Variants in PIWIL4 observed in about 807,000 individuals in gnomAD.
The protein encoded by PIWIL4 is piwi-like protein 4.
PIWIL4 carries 50 observed loss-of-function variants against 100.9 expected under a neutral mutation model. The ratio of observed to expected loss-of-function variants is 0.50; its 90% confidence interval spans 0.39 to 0.63. The LOEUF is 0.63. PIWIL4 is among the 20% of genes least tolerant of loss of function. The pLI is 0.00. For missense variants in PIWIL4, 887 were observed against 1,043.3 expected (o/e 0.85, Z 2.06); for synonymous variants, 342 against 367.5 (o/e 0.93, Z 0.79).
intron 16 of PIWIL4, 72 bp downstream of exon 16, chr11:94,616,635 G>T: frequency 7.9e-7 from 1 of 1,261,462 alleles, no homozygotes. Context: ...CATGCTTATA[G>T]AAGACCACAT....
intron 14 of PIWIL4, 93 bp from the exon 15 acceptor site, chr11:94,608,487 GTAA>G (rs1174743364): frequency 2.0e-6 from 2 of 995,104 alleles, no homozygotes; most frequent in African/African-American, 3.2e-5. Flanking sequence ...TAAGAATTCA[GTAA>G]CTGGAGTCTG....
intron 2 of PIWIL4, among the ~76,000 whole-genome samples, chr11:94,571,430 G>C (rs7952351): frequency 0.47 from 71,578 of 151,852 alleles, 18,981 homozygotes; most frequent in African/African-American, 0.73. Context: ...TACTATCCCT[G>C]CCCCCTTCAC....
chr11:94,575,199 G>A, intron 3 of PIWIL4, 69 bp downstream of exon 3: 1 of 1,484,004 alleles, frequency 6.7e-7, no homozygotes, highest in Non-Finnish European at 9.2e-7. Context: ...CAAATTCTAG[G>A]TCTAAAATAA....
At chr11:94,584,173 C>A (rs572920743) in intron 5 of PIWIL4, among the ~76,000 whole-genome samples, 2 of 152,304 alleles carry the variant, frequency 1.3e-5, no homozygotes, top group Admixed American at 1.3e-4. Context: ...AACAGAAGTT[C>A]ACAGATAGGC....
At chr11:94,583,189 C>G in intron 4 of PIWIL4, among the ~76,000 whole-genome samples, 1 of 151,968 alleles carries the variant, frequency 6.6e-6, no homozygotes, top group South Asian at 2.1e-4. Context: ...CTCTTTGGAC[C>G]AAACTTTGAA....
chr11:94,568,789 A>G lies in PIWIL4; in HGVS notation c.147A>G (p.Thr49=). The change falls in exon 2 of 20, where the codon ACA becomes ACG. Residue 49 remains threonine, a synonymous_variant. Coordinates refer to ENST00000299001, the MANE Select transcript of PIWIL4 (RefSeq NM_152431.3). ...CCTCTAGCAATGGCTTCTTGGGAAC[A>G]AGCAGGATCTCAACCAACGGTAAGT... ...EASSSNGFLG[T]SRISTNDKYG... The G allele has an allele frequency of 6.2e-7, 1 of 1,604,914 alleles. No individual in the cohort carries two copies. Among genetic ancestry groups the G allele is most frequent in the South Asian group, 1.1e-5 (1 of 90,880 alleles).
At chr11:94,576,132 T>C (rs1359532604) in intron 3 of PIWIL4, among the ~76,000 whole-genome samples, 2 of 152,088 alleles carry the variant, frequency 1.3e-5, no homozygotes, top group African/African-American at 4.8e-5. Context: ...TTCTATATCA[T>C]TCTTTTCTTT....
At chr11:94,595,887 A>G (rs1261896436) in intron 10 of PIWIL4, among the ~76,000 whole-genome samples, 2 of 152,200 alleles carry the variant, frequency 1.3e-5, no homozygotes, top group African/African-American at 4.8e-5. Context: ...CCTTTGTGCC[A>G]TCTGGTTCTG....
In PIWIL4 at chr11:94,620,945, C is replaced by A. The variant is rs1423077964; in HGVS notation, c.2512C>A (p.His838Asn). Residue 838 changes from histidine to asparagine, a missense_variant, in exon 20 of 20, where the codon CAT (histidine) becomes AAT (asparagine). Transcript: ENST00000299001. ...GACCTTTCTGGTGGCACAAAGCATTCATAAAGAACCCAGTCTGGAATTAGC... is the reference window on the plus strand; with the variant it reads ...GACCTTTCTGGTGGCACAAAGCATTAATAAAGAACCCAGTCTGGAATTAGC... ...KLTFLVAQSI[H>N]KEPSLELANH... is the part of the protein sequence containing the mutation. The A allele has an allele frequency of 4.3e-6, 7 of 1,613,758 alleles. No individual in the cohort carries two copies. The South Asian group carries it at 7.7e-5, about 18-fold the overall frequency.
At chr11:94,614,274 G>A (rs371074114) in intron 15 of PIWIL4, among the ~76,000 whole-genome samples, 30 of 138,270 alleles carry the variant, frequency 2.2e-4, no homozygotes, top group African/African-American at 7.2e-4. Context: ...TCCCTTGGTT[G>A]TGTCATAGTT....
At chr11:94,583,044 ATGTGTGTGTGTG>A (rs58072951) in intron 4 of PIWIL4, among the ~76,000 whole-genome samples, 3 of 133,794 alleles carry the variant, frequency 2.2e-5, no homozygotes, top group Non-Finnish European at 3.4e-5. Flanking sequence ...ATATATATAT[ATGTGTGTGTGTG>A]TGTGTGTGTG....
In PIWIL4 at chr11:94,568,780, C is replaced by G; in HGVS notation, c.138C>G (p.Phe46Leu). 1 of 1,609,136 alleles carries G rather than the reference C, an allele frequency of 6.2e-7. No homozygotes were observed. Among genetic ancestry groups the G allele is most frequent in the South Asian group, 1.1e-5 (1 of 90,960 alleles). The part of the protein sequence containing the change: ...SNNEASSSNG[F>L]LGTSRISTND... ...ATGAAGCATCCTCTAGCAATGGCTT[C>G]TTGGGAACAAGCAGGATCTCAACCA... The change falls in exon 2 of 20, where the codon TTC becomes TTG. Residue 46 changes from phenylalanine (F) to leucine (L), a missense_variant. Around this residue, in one of 2 missense-constraint regions of PIWIL4, gnomAD observed 146 missense variants for 113.4 expected, o/e 1.29. Transcript: ENST00000299001.
chr11:94,600,139 T>C (rs1324141781), intron 11 of PIWIL4, among the ~76,000 whole-genome samples: 1 of 152,198 alleles, frequency 6.6e-6, no homozygotes, highest in African/African-American at 2.4e-5. Context: ...TTCCCCCTCT[T>C]CAGCGCAGGA....
At chr11:94,576,145 T>C (rs1948233152) in intron 3 of PIWIL4, among the ~76,000 whole-genome samples, 1 of 152,148 alleles carries the variant, frequency 6.6e-6, no homozygotes. Context: ...TTTTCTTTTC[T>C]TTTTTTGGAG....
intron 15 of PIWIL4, among the ~76,000 whole-genome samples, chr11:94,609,903 A>G (rs12799237): frequency 0.026 from 4,011 of 151,990 alleles, 174 homozygotes; most frequent in African/African-American, 0.089. Context: ...ACTACTTAAG[A>G]TCTACTCTCT....
At chr11:94,573,129 C>G (rs1331779984) in intron 2 of PIWIL4, among the ~76,000 whole-genome samples, 1 of 152,118 alleles carries the variant, frequency 6.6e-6, no homozygotes, top group Non-Finnish European at 1.5e-5. Flanking sequence ...GATTTTTGCA[C>G]ATTGATTTTG....
chr11:94,577,861 G>C lies in PIWIL4; in HGVS notation c.513+369G>C, dbSNP rs568721884. Among the ~76,000 whole-genome samples the C allele has an allele frequency of 3.3e-5, 5 of 152,238 alleles. No individual in the cohort carries two copies. In the South Asian group the frequency reaches 1.0e-3, roughly 32 times the overall value. On this transcript the variant is annotated intron_variant, in intron 4 of 19. Transcript: ENST00000299001. ...CAGAAGGAGCCAAATCAGCAGTAAA[G>C]TGTATGCCTAATGATTTCCCATTGA... is the stretch of plus-strand genomic sequence containing the variant.
In PIWIL4 at chr11:94,567,462, A is replaced by G; in HGVS notation, c.-57A>G. On this transcript the variant is annotated 5_prime_UTR_variant, in exon 1 of 20. Coordinates refer to ENST00000299001, the MANE Select transcript of PIWIL4 (RefSeq NM_152431.3). ...CCGTCGCCATCTGTAGCCAAAGCAA[A>G]ACATATCCTAACTGAGACTTTGCAG... 1 of 1,422,592 alleles carries G rather than the reference A, an allele frequency of 7.0e-7. No homozygotes were observed. Among genetic ancestry groups the G allele is most frequent in the Non-Finnish European group, 9.4e-7 (1 of 1,068,920 alleles). 88.1% of individuals were successfully genotyped at this position (1,422,592 alleles called of 1,614,324 possible). A position where few individuals can be genotyped will look rare whatever the true frequency, so the allele number is the denominator to read the frequency against.
rs764939506 is a variant in PIWIL4 at position 94,595,387 on chromosome 11, G to T, written c.1229G>T (p.Arg410Leu). ...AAGACACGTCTCAGTCCTTCAGGCC[G>T]GCAGCAGCGCCTGGCCAGGCTTGTG... ...AEKTRLSPSGRQQRLARLVDN... is the reference protein window; with the variant it reads ...AEKTRLSPSGLQQRLARLVDN... The change falls in exon 10 of 20, where the codon CGG becomes CTG. Residue 410 changes from arginine to leucine, a missense_variant. This residue lies in a region of PIWIL4 where 741 missense variants were observed against 930.0 expected (regional missense o/e 0.80). Transcript: ENST00000299001. 2 of 1,613,754 alleles carry T rather than the reference G, an allele frequency of 1.2e-6. No individual in the cohort carries two copies. Among genetic ancestry groups the T allele is most frequent in the South Asian group, 2.2e-5 (2 of 91,066 alleles).
Sources: gnomAD v4.1 joint callset for allele counts (sites outside exome capture counted in the v4.1 genomes callset) on GRCh38, gnomAD v4.1.1 for gene constraint, gnomAD v4.1.1 regional missense constraint, MANE v1.5 for transcripts, NCBI Gene and HGNC (gene_info 2026-07-23, HGNC 2026-07-21) for gene names.